Variants in AFAP1 observed in about 807,000 individuals in gnomAD.
The protein encoded by AFAP1 is actin filament associated protein 1.
Under a neutral mutation model 93.9 loss-of-function variants are expected in AFAP1, and 75 were observed. The observed-to-expected ratio is 0.80, with a 90% CI of 0.66 to 0.97. The LOEUF (loss-of-function observed/expected upper bound fraction) is 0.97. AFAP1 is among the 50% of genes least tolerant of loss of function. The pLI, the probability that AFAP1 is intolerant of heterozygous loss-of-function variation, is 0.00. For missense variants in AFAP1, 1,201 were observed against 1,050.8 expected (o/e 1.14, Z -1.98); for synonymous variants, 517 against 430.7 (o/e 1.20, Z -2.48).
chr4:7,885,062 T>C (rs1428825858), intron 1 of AFAP1, among the ~76,000 whole-genome samples: 1 of 152,192 alleles, frequency 6.6e-6, no homozygotes, highest in Non-Finnish European at 1.5e-5. Flanking sequence ...GCTCATCTCA[T>C]CGCTCTCTAG....
In AFAP1 at chr4:7,781,510, A is replaced by G; in HGVS notation, c.1648T>C (p.Ser550Pro). 6.4e-7 allele frequency: 1 copy of G among 1,552,248 alleles called. No homozygotes were observed. The highest frequency in any genetic ancestry group is 8.7e-7 in the Non-Finnish European group (1 of 1,147,122). Residue 550 changes from serine (S) to proline (P), a missense_variant, in exon 13 of 18, where the codon TCT (serine) becomes CCT (proline). Physicochemically the swap from Ser to Pro is moderately conservative, Grantham distance 74. Coordinates refer to ENST00000420658, the MANE Select transcript of AFAP1 (RefSeq NM_001134647.2). ...LPPPHIFARY[S>P]PADRKASRLS... ...CTAGAGGCCTTTCTGTCAGCAGGAG[A>G]GTAGCGGGCAAAGATGTGCGGAGGC...
rs115003233 is a variant in AFAP1, at chr4:7,880,268, A to G, written c.-2-8188T>C. Among the ~76,000 whole-genome samples, 873 of 144,398 alleles carry G rather than the reference A, an allele frequency of 6.0e-3. 7 individuals carry two copies. The highest frequency in any genetic ancestry group is 0.02 in the African/African-American group (763 of 38,678). The allele number at this position is 144,398 out of a possible 152,430, so 94.7% of individuals were successfully genotyped here. A position where few individuals can be genotyped will look rare whatever the true frequency, so the allele number is the denominator to read the frequency against. On this transcript the variant is annotated intron_variant, in intron 1 of 17. Transcript: ENST00000420658. ...TTTGAAAGCTAGGAGGGACCCTGGA[A>G]CCCAAATGCCTTTTTTTTTTTTTTT...
At position 7,759,805 on chromosome 4, in the gene AFAP1, G is replaced by A. The variant is rs1168659004; in HGVS notation, c.*3960C>T. On this transcript the variant is annotated 3_prime_UTR_variant, in exon 18 of 18. Coordinates refer to ENST00000420658, the MANE Select transcript of AFAP1 (RefSeq NM_001134647.2). ...AAGGATGGACATCCACCTGAATGCA[G>A]GGGCCACCTGTGAGCTCAGGGTGTC... 6.6e-6 allele frequency: 1 copy of A among 152,280 alleles called. No homozygotes were observed. The highest frequency in any genetic ancestry group is 1.5e-5 in the Non-Finnish European group (1 of 68,060). The allele number at this position is 152,280 out of a possible 1,614,324, so 9.4% of individuals were successfully genotyped here.
chr4:7,795,678 G>C (rs1464296698), intron 10 of AFAP1, among the ~76,000 whole-genome samples: 1 of 151,914 alleles, frequency 6.6e-6, no homozygotes, highest in East Asian at 1.9e-4. Flanking sequence ...GCCCACCTCG[G>C]CCTCCCAAAG....
intron 15 of AFAP1, chr4:7,773,263 G>C (rs1348760420): frequency 1.9e-5 from 9 of 480,444 alleles, no homozygotes; most frequent in Non-Finnish European, 3.2e-5. Context: ...ACGAAGGCCA[G>C]GAGCTCCTGG....
chr4:7,825,959 A>T (rs1175450846), intron 6 of AFAP1, among the ~76,000 whole-genome samples: 4 of 151,988 alleles, frequency 2.6e-5, no homozygotes, highest in Non-Finnish European at 5.9e-5. Context: ...ATGCTTAAAA[A>T]AAAAAAAAAA....
At chr4:7,828,019 G>A (rs1406513742) in intron 6 of AFAP1, among the ~76,000 whole-genome samples, 1 of 152,222 alleles carries the variant, frequency 6.6e-6, no homozygotes, top group African/African-American at 2.4e-5. Flanking sequence ...GAAATGAAGG[G>A]CATGTGGAAG....
chr4:7,800,377 C>T (rs1718907259), intron 10 of AFAP1, 65 bp downstream of exon 10: 3 of 1,546,936 alleles, frequency 1.9e-6, no homozygotes, highest in Non-Finnish European at 2.7e-6. Context: ...TCAGCATTCG[C>T]CTTTTGAAAG....
chr4:7,791,339 G>C (rs191891949), intron 11 of AFAP1, among the ~76,000 whole-genome samples: 4 of 152,298 alleles, frequency 2.6e-5, no homozygotes, highest in Admixed American at 2.6e-4. Flanking sequence ...ATATGCAGCA[G>C]TCAAGGGGTG....
chr4:7,844,042 T>TG (rs1336549925), intron 4 of AFAP1, among the ~76,000 whole-genome samples: 2 of 152,162 alleles, frequency 1.3e-5, no homozygotes, highest in African/African-American at 4.8e-5. Context: ...CTCGCCCTCC[T>TG]GCCTTTGCCT....
At chr4:7,881,823 C>A (rs114872278) in intron 1 of AFAP1, among the ~76,000 whole-genome samples, 2 of 152,002 alleles carry the variant, frequency 1.3e-5, no homozygotes, top group African/African-American at 4.8e-5. Flanking sequence ...GACTCTGTCA[C>A]CACATAAACC....
rs1283995678 is a variant in AFAP1, at chr4:7,761,280, G to GGC, written c.*2483_*2484dup. 1 of 152,254 alleles carries GGC rather than the reference G, an allele frequency of 6.6e-6. No homozygotes were observed. Among genetic ancestry groups the GGC allele is most frequent in the Admixed American group, 6.5e-5 (1 of 15,292 alleles). 9.4% of individuals were successfully genotyped at this position (152,254 alleles called of 1,614,324 possible). On this transcript the variant is annotated 3_prime_UTR_variant, in exon 18 of 18. Coordinates refer to ENST00000420658, the MANE Select transcript of AFAP1 (RefSeq NM_001134647.2). Reference sequence around the variant, plus strand: ...GGAACCCACTGTCAGGCCCCTCCAGGGCACCCATTTTGAAAGGCTCCATGG... The same window carrying GGC: ...GGAACCCACTGTCAGGCCCCTCCAGGGCGCACCCATTTTGAAAGGCTCCATGG...
intron 11 of AFAP1, among the ~76,000 whole-genome samples, chr4:7,787,144 A>G (rs78862651): frequency 0.2 from 30,874 of 152,234 alleles, 3,906 homozygotes; most frequent in African/African-American, 0.35. Flanking sequence ...TGCCAGGGAA[A>G]CCAACCCTGT....
At chr4:7,856,618 G>A (rs1017708468) in intron 3 of AFAP1, among the ~76,000 whole-genome samples, 2 of 152,132 alleles carry the variant, frequency 1.3e-5, no homozygotes, top group Admixed American at 1.3e-4. Flanking sequence ...TGGACGAGCT[G>A]GGGGCTCACT....
chr4:7,806,900 G>A (rs1036505702), intron 9 of AFAP1, among the ~76,000 whole-genome samples: 6 of 150,038 alleles, frequency 4.0e-5, no homozygotes, highest in East Asian at 2.3e-4. Context: ...AGGGTTTACC[G>A]CAGTGTCTAG....
intron 14 of AFAP1, chr4:7,775,650 G>A (rs1022363625): frequency 3.3e-5 from 5 of 152,174 alleles, no homozygotes; most frequent in African/African-American, 1.2e-4. Flanking sequence ...TACATGAAGA[G>A]GCAACCAGGA....
At chr4:7,876,211 C>T (rs913718346) in intron 1 of AFAP1, among the ~76,000 whole-genome samples, 5 of 152,180 alleles carry the variant, frequency 3.3e-5, no homozygotes, top group Admixed American at 1.3e-4. Flanking sequence ...ACCATGAGGC[C>T]GCTGTGCAAA....
chr4:7,867,337 T>C (rs1267473106), intron 3 of AFAP1, among the ~76,000 whole-genome samples: 1 of 152,214 alleles, frequency 6.6e-6, no homozygotes, highest in African/African-American at 2.4e-5. Context: ...ATCTCCTGGA[T>C]AATCCTGAGG....
intron 10 of AFAP1, among the ~76,000 whole-genome samples, chr4:7,798,370 G>C (rs546361383): frequency 7.9e-6 from 1 of 126,002 alleles, no homozygotes; most frequent in Admixed American, 9.0e-5. Flanking sequence ...TCTATTGGCT[G>C]GCTCACGGCA....
Sources: gnomAD v4.1 joint callset for allele counts (sites outside exome capture counted in the v4.1 genomes callset) on GRCh38, gnomAD v4.1.1 for gene constraint, MANE v1.5 for transcripts, NCBI Gene and HGNC (gene_info 2026-07-23, HGNC 2026-07-21) for gene names.